Variants in KCNQ1 observed in about 807,000 individuals in gnomAD.
KCNQ1 encodes the protein potassium voltage-gated channel subfamily KQT member 1.
Under a neutral mutation model 72.4 loss-of-function variants are expected in KCNQ1, and 49 were observed. The ratio of observed to expected loss-of-function variants is 0.68; its 90% CI spans 0.54 to 0.86. The LOEUF (loss-of-function observed/expected upper bound fraction) is 0.86, where lower values mean the gene tolerates loss of function less well. Ranked by LOEUF, KCNQ1 falls within the 40% of genes least tolerant of loss-of-function variation. KCNQ1 has a pLI of 0.00. For missense variants in KCNQ1, 790 were observed against 945.1 expected (o/e 0.84, Z 2.15); for synonymous variants, 450 against 412.6 (o/e 1.09, Z -1.10).
At chr11:2,607,514 C>G (rs1171211731) in intron 10 of KCNQ1, among the ~76,000 whole-genome samples, 1 of 152,116 alleles carries the variant, frequency 6.6e-6, no homozygotes, top group Non-Finnish European at 1.5e-5. Flanking sequence ...TCAGTGAGCT[C>G]CTTTTTTTCT....
intron 1 of KCNQ1, among the ~76,000 whole-genome samples, chr11:2,469,903 GC>G: frequency 6.7e-6 from 1 of 149,628 alleles, no homozygotes; most frequent in South Asian, 2.1e-4. Flanking sequence ...CTCGTGATCC[GC>G]CCGCCTCAGC....
intron 2 of KCNQ1, among the ~76,000 whole-genome samples, chr11:2,558,749 G>A (rs535866253): frequency 6.4e-4 from 98 of 152,294 alleles, no homozygotes; most frequent in Non-Finnish European, 1.1e-3. Context: ...GGCAGTACAT[G>A]TGAAATTAAA....
At chr11:2,520,213 A>G (rs1847358089) in intron 1 of KCNQ1, among the ~76,000 whole-genome samples, 1 of 152,170 alleles carries the variant, frequency 6.6e-6, no homozygotes, top group African/African-American at 2.4e-5. Context: ...ACCCCAATCC[A>G]GGGGGCTTCT....
In KCNQ1 at chr11:2,669,708, A is replaced by G. The variant is rs1850146983; in HGVS notation, c.1514+7627A>G. 2.5e-6 allele frequency: 1 copy of G among 398,646 alleles called. No individual in the cohort carries two copies. The highest frequency in any genetic ancestry group is 3.6e-5 in the East Asian group (1 of 28,080). 24.7% of individuals were successfully genotyped at this position (398,646 alleles called of 1,614,324 possible). A position where few individuals can be genotyped will look rare whatever the true frequency, so the allele number is the denominator to read the frequency against. ...AGGAGATGGTGTTAGGCATCCAGCC[A>G]CATACCTGACTCGGGGAAATGCCTG... On this transcript the variant is annotated intron_variant, in intron 11 of 15. Transcript: ENST00000155840. The surrounding 1 kb of genome is among the most constrained non-coding windows in gnomAD (Gnocchi z 5.6).
rs1850127550 is a variant in KCNQ1 at position 2,668,689 on chromosome 11, C to G, written c.1514+6608C>G. 2.5e-6 allele frequency: 1 copy of G among 398,426 alleles called. No homozygotes were observed. Among genetic ancestry groups the G allele is most frequent in the African/African-American group, 2.1e-5 (1 of 48,600 alleles). 24.7% of individuals were successfully genotyped at this position (398,426 alleles called of 1,614,324 possible). A position where few individuals can be genotyped will look rare whatever the true frequency, so the allele number is the denominator to read the frequency against. On this transcript the variant is annotated intron_variant, in intron 11 of 15. Transcript: ENST00000155840. The surrounding 1 kb of genome is among the most constrained non-coding windows in gnomAD (Gnocchi z 4.3). ...GAGTCATTTGTCAGAGAGAGAGATA[C>G]ACACACTCACACTCTCTCACAGACA...
intron 11 of KCNQ1, among the ~76,000 whole-genome samples, chr11:2,751,947 G>A (rs546153312): frequency 1.3e-4 from 20 of 152,286 alleles, no homozygotes; most frequent in East Asian, 5.8e-4. Flanking sequence ...ACGGCAAGAC[G>A]TTTCCTCAAA....
rs1174550409 is a variant in KCNQ1, at chr11:2,600,857, T to G, written c.1393+12003T>G. Among the ~76,000 whole-genome samples, 1 of 152,190 alleles carries G rather than the reference T, an allele frequency of 6.6e-6. No homozygotes were observed. Among genetic ancestry groups the G allele is most frequent in the African/African-American group, 2.4e-5 (1 of 41,444 alleles). On this transcript the variant is annotated intron_variant, in intron 10 of 15. Coordinates refer to ENST00000155840, the MANE Select transcript of KCNQ1 (RefSeq NM_000218.3). The surrounding 1 kb of genome is among the most constrained non-coding windows in gnomAD (Gnocchi z 5.6). ...CCACTTCTTGGGGGAGTCTGATGTT[T>G]CCTCAGGTTAGATCCACGTTGTGTA... is the stretch of plus-strand genomic sequence containing the variant.
rs58902386 is a variant in KCNQ1, at chr11:2,756,981, A to AAAAC, written c.1515-11863_1515-11862insAAAC. Among the ~76,000 whole-genome samples the AAAAC allele has an allele frequency of 5.4e-3, 623 of 115,176 alleles. 59 individuals are homozygous for AAAAC. The highest frequency in any genetic ancestry group is 0.016 in the African/African-American group (521 of 31,684). The allele number at this position is 115,176 out of a possible 152,430, so 75.6% of individuals were successfully genotyped here. A position where few individuals can be genotyped will look rare whatever the true frequency, so the allele number is the denominator to read the frequency against. On this transcript the variant is annotated intron_variant, in intron 11 of 15. Coordinates refer to ENST00000155840, the MANE Select transcript of KCNQ1 (RefSeq NM_000218.3). ...AAAAAAAAAAAAAAAAAAAAAAAAAACCCACAGCTAACATCACATCACACT... is the reference window on the plus strand; with the variant it reads ...AAAAAAAAAAAAAAAAAAAAAAAAAAAAACCCCACAGCTAACATCACATCACACT...
rs370113234 is a variant in KCNQ1, at chr11:2,644,576, G to A, written c.1394-17385G>A. The A allele has an allele frequency of 3.0e-3, 1,177 of 398,338 alleles. 11 individuals carry two copies. The highest frequency in any genetic ancestry group is 0.021 in the African/African-American group (1,009 of 48,636). 24.7% of individuals were successfully genotyped at this position (398,338 alleles called of 1,614,324 possible). A position where few individuals can be genotyped will look rare whatever the true frequency, so the allele number is the denominator to read the frequency against. ...AATTTCTTTTTCACTGGAATCTGTT[G>A]GAGAATTATTGCATTCCTTAGGAGT... On this transcript the variant is annotated intron_variant, in intron 10 of 15. Transcript: ENST00000155840.
chr11:2,700,678 G>A (rs1210873298), intron 11 of KCNQ1, among the ~76,000 whole-genome samples: 1 of 152,100 alleles, frequency 6.6e-6, no homozygotes, highest in South Asian at 2.1e-4. Flanking sequence ...GTGAGTGGCA[G>A]GGGTGGCCGG....
chr11:2,445,630 ACT>A (rs1272835628), intron 1 of KCNQ1, 146 bp downstream of exon 1: 2 of 949,886 alleles, frequency 2.1e-6, no homozygotes, highest in African/African-American at 1.6e-5. Context: ...AGAAACACAA[ACT>A]CTGCACTCTC....
Position 2,683,937 on chromosome 11 carries a change from A to T in KCNQ1, c.1514+21856A>T. 2 of 396,284 alleles carry T rather than the reference A, an allele frequency of 5.0e-6. No individual in the cohort carries two copies. The highest frequency in any genetic ancestry group is 8.9e-6 in the Non-Finnish European group (2 of 225,824). 24.5% of individuals were successfully genotyped at this position (396,284 alleles called of 1,614,324 possible). On this transcript the variant is annotated intron_variant, in intron 11 of 15. Coordinates refer to ENST00000155840, the MANE Select transcript of KCNQ1 (RefSeq NM_000218.3). The surrounding 1 kb of genome is among the most constrained non-coding windows in gnomAD (Gnocchi z 4.7). ...GCTCTGTGACACGTTTCATAGTCAG[A>T]CAAAACCAGCTGACTGCTTTTACTT...
intron 2 of KCNQ1, among the ~76,000 whole-genome samples, chr11:2,558,774 C>G (rs940778912): frequency 6.6e-6 from 1 of 152,166 alleles, no homozygotes; most frequent in South Asian, 2.1e-4. Flanking sequence ...CTGAGAGGCC[C>G]CACTCTCCTC....
chr11:2,794,003 G>C (rs567637281), intron 15 of KCNQ1, among the ~76,000 whole-genome samples: 35 of 152,268 alleles, frequency 2.3e-4, no homozygotes, highest in South Asian at 2.3e-3. Context: ...GTGCAGCCTT[G>C]CAAAGGCCCT....
rs1222755180 is a variant in KCNQ1 at position 2,564,133 on chromosome 11, A to G, written c.478-6495A>G. Among the ~76,000 whole-genome samples, 1 of 152,168 alleles carries G rather than the reference A, an allele frequency of 6.6e-6. No individual in the cohort carries two copies. Among genetic ancestry groups the G allele is most frequent in the Non-Finnish European group, 1.5e-5 (1 of 68,026 alleles). ...ATTCACCATTTCAGCCATTTCAGCC[A>G]TTTCAGCCATTTCACAGCGTGCAAT... On this transcript the variant is annotated intron_variant, in intron 2 of 15. Transcript: ENST00000155840. The surrounding 1 kb of genome is among the most constrained non-coding windows in gnomAD (Gnocchi z 4.5).
At chr11:2,644,820 A>T (rs1262628089) in intron 10 of KCNQ1, 1 of 398,550 alleles carries the variant, frequency 2.5e-6, no homozygotes, top group Non-Finnish European at 4.4e-6. Flanking sequence ...TGTAAACAGC[A>T]CCAGTAGTGT....
chr11:2,798,920 G>A (rs1026443418), intron 15 of KCNQ1, among the ~76,000 whole-genome samples: 1 of 152,196 alleles, frequency 6.6e-6, no homozygotes, highest in Non-Finnish European at 1.5e-5. Flanking sequence ...AACAGGACGG[G>A]GGAAGGAGAG....
Position 2,613,856 on chromosome 11 carries a change from G to T in KCNQ1, c.1393+25002G>T. ...CAGTGTTTTCTAGTTTATAGTTTGT[G>T]TGTGTTTGCTCTTTATAAGACATGA... is the stretch of plus-strand genomic sequence containing the variant. On this transcript the variant is annotated intron_variant, in intron 10 of 15. Transcript: ENST00000155840. The surrounding 1 kb of genome is among the most constrained non-coding windows in gnomAD (Gnocchi z 4.8). 1 of 398,490 alleles carries T rather than the reference G, an allele frequency of 2.5e-6. No individual in the cohort carries two copies. The highest frequency in any genetic ancestry group is 4.4e-6 in the Non-Finnish European group (1 of 226,030). The allele number at this position is 398,490 out of a possible 1,614,324, so 24.7% of individuals were successfully genotyped here.
rs1850589032 is a variant in KCNQ1, at chr11:2,691,611, C to T, written c.1514+29530C>T. 2 of 398,568 alleles carry T rather than the reference C, an allele frequency of 5.0e-6. No individual in the cohort carries two copies. The highest frequency in any genetic ancestry group is 3.6e-5 in the East Asian group (1 of 28,064). 24.7% of individuals were successfully genotyped at this position (398,568 alleles called of 1,614,324 possible). A position where few individuals can be genotyped will look rare whatever the true frequency, so the allele number is the denominator to read the frequency against. On this transcript the variant is annotated intron_variant, in intron 11 of 15. Transcript: ENST00000155840. The surrounding 1 kb of genome is among the most constrained non-coding windows in gnomAD (Gnocchi z 6.4). ...CCTGAGGGAGTCAACCTAGCTTGTT[C>T]CCTGCACGTACTGTGGGGAGGTCCT... is the stretch of plus-strand genomic sequence containing the variant.
Sources: gnomAD v4.1 joint callset for allele counts (sites outside exome capture counted in the v4.1 genomes callset) on GRCh38, gnomAD v4.1.1 for gene constraint, Gnocchi (gnomAD v3.1) non-coding constraint, MANE v1.5 for transcripts, NCBI Gene and HGNC (gene_info 2026-07-23, HGNC 2026-07-21) for gene names.